The following RAD23A variants were observed in gnomAD, a reference collection of about 807,000 sequenced individuals.
RAD23A encodes the protein RAD23 nucleotide excision repair protein A, also known as lysine-specific demethylase RAD23A.
In RAD23A, 16 loss-of-function variants were observed where a neutral mutation model predicts 44.8. The observed-to-expected ratio is 0.36, with a 90% CI of 0.24 to 0.54. The LOEUF is 0.54. Among genes scored for constraint, RAD23A ranks in the 20% least tolerant of loss-of-function variants. The probability of loss-of-function intolerance (pLI) is 0.89; values close to 1 mark genes in which losing one functional copy is unlikely to be tolerated. For synonymous variants in RAD23A, 217 were observed against 202.9 expected (o/e 1.07, Z -0.59); for missense variants, 380 against 483.3 (o/e 0.79, Z 2.00).
chr19:12,949,386 A>G lies in RAD23A; in HGVS notation c.791A>G (p.Gln264Arg). ...LLPALLQQLG[Q>R]ENPQLLQQIS... ...CCCGCCCTGCTCCAGCAGCTGGGCC[A>G]GGAGAACCCTCAGCTTTTACAGGTG... The change falls in exon 7 of 9, where the codon CAG becomes CGG. Residue 264 changes from glutamine (Q) to arginine (R), a missense_variant. By Grantham distance (43) the Gln-to-Arg change is conservative (BLOSUM62 1). Coordinates refer to ENST00000586534, the MANE Select transcript of RAD23A (RefSeq NM_005053.4). The G allele has an allele frequency of 1.9e-6, 3 of 1,613,864 alleles. No individual in the cohort carries two copies. The highest frequency in any genetic ancestry group is 1.7e-4 in the Middle Eastern group (1 of 6,060).
rs1971716634 is a variant in RAD23A at position 12,948,259 on chromosome 19, C to T, written c.317C>T (p.Ala106Val). Reference sequence around the variant, plus strand: ...GAGTCCTCTACATCCTTCCCGCCTGCCCCCACCTCAGGCATGTCCCATCCC... The same window carrying T: ...GAGTCCTCTACATCCTTCCCGCCTGTCCCCACCTCAGGCATGTCCCATCCC... ...APESSTSFPP[A>V]PTSGMSHPPP... The change falls in exon 3 of 9, where the codon GCC becomes GTC. Residue 106 changes from alanine to valine, a missense_variant. This residue lies in a region of RAD23A where 279 missense variants were observed against 313.7 expected (regional missense o/e 0.89). Transcript: ENST00000586534. This position sits in a 1 kb window ranked among gnomAD's most constrained non-coding sequence, Gnocchi z 5.5. 6.2e-7 allele frequency: 1 copy of T among 1,613,376 alleles called. No homozygotes were observed. Among genetic ancestry groups the T allele is most frequent in the Non-Finnish European group, 8.5e-7 (1 of 1,179,546 alleles).
intron 7 of RAD23A, among the ~76,000 whole-genome samples, chr19:12,950,951 C>G (rs1369751188): frequency 3.9e-5 from 6 of 152,180 alleles, no homozygotes; most frequent in Non-Finnish European, 8.8e-5. Flanking sequence ...GTAGTCCCAG[C>G]TACTCAGGAG....
At chr19:12,949,576 C>T in intron 7 of RAD23A, 168 bp downstream of exon 7, 1 of 861,120 alleles carries the variant, frequency 1.2e-6, no homozygotes, top group African/African-American at 1.7e-5. Context: ...CCTGGTTTCT[C>T]AGTCTTCCCA....
At position 12,953,206 on chromosome 19, in the gene RAD23A, C is replaced by T; in HGVS notation, c.*157C>T. On this transcript the variant is annotated 3_prime_UTR_variant, in exon 9 of 9. Coordinates refer to ENST00000586534, the MANE Select transcript of RAD23A (RefSeq NM_005053.4). The stretch of plus-strand genomic sequence containing the variant: ...GCAAACAGTCCAGCTTCCTGTCCTC[C>T]TAAAGTGGCCCCTGTTCCCATCTCC... The T allele has an allele frequency of 1.8e-6, 1 of 541,098 alleles. No homozygotes were observed. Among genetic ancestry groups the T allele is most frequent in the Non-Finnish European group, 3.1e-6 (1 of 325,092 alleles). The allele number at this position is 541,098 out of a possible 1,614,324, so 33.5% of individuals were successfully genotyped here.
chr19:12,951,629 A>G (rs889463300), intron 7 of RAD23A, among the ~76,000 whole-genome samples: 4 of 152,124 alleles, frequency 2.6e-5, no homozygotes, highest in African/African-American at 9.6e-5. Flanking sequence ...TATTTTTAGT[A>G]GAGATGGGAT....
At chr19:12,946,063 CG>C in intron 1 of RAD23A, 43 bp downstream of exon 1, 1 of 87,278 alleles carries the variant, frequency 1.1e-5, no homozygotes. Context: ...CGACGGGTTT[CG>C]GGGGTGGGGT....
Position 12,952,750 on chromosome 19 carries a change from C to T in RAD23A, c.875C>T (p.Ala292Val), listed in dbSNP as rs781751879. 2.8e-5 allele frequency: 45 copies of T among 1,613,106 alleles called. No individual in the cohort carries two copies. The highest frequency in any genetic ancestry group is 8.3e-5 in the Admixed American group (5 of 59,926). The stretch of plus-strand genomic sequence containing the variant: ...CTGAACGAGCCCCCTGGGGAGCTGG[C>T]GGACATCTCAGATGTGGAGGGGGAG... ...QMLNEPPGEL[A>V]DISDVEGEVG... The change falls in exon 8 of 9, where the codon GCG becomes GTG. Residue 292 changes from alanine (A) to valine (V), a missense_variant. Physicochemically the swap from Ala to Val is moderately conservative, Grantham distance 64. Transcript: ENST00000586534.
intron 1 of RAD23A, among the ~76,000 whole-genome samples, chr19:12,946,836 T>G (rs539860688): frequency 3.3e-5 from 5 of 152,328 alleles, no homozygotes; most frequent in African/African-American, 1.2e-4. Flanking sequence ...AAACACACAT[T>G]TTTTGATCCG....
In RAD23A at chr19:12,949,100, A is replaced by G; in HGVS notation, c.620A>G (p.Glu207Gly). The G allele has an allele frequency of 6.2e-7, 1 of 1,613,494 alleles. No homozygotes were observed. ...YLLTGIPGSP[E>G]PEHGSVQESQ... ...TGACAGGGAATTCCTGGGAGCCCCG[A>G]GCCGGAACACGGTTCTGTCCAGGAG... Residue 207 changes from glutamate to glycine, a missense_variant, in exon 6 of 9, where the codon GAG becomes GGG. Transcript: ENST00000586534.
rs1971857708 is a variant in RAD23A, at chr19:12,952,979, A to C, written c.1022A>C (p.Tyr341Ser). The stretch of plus-strand genomic sequence containing the variant: ...CCAGAGAGCCTGGTCATCCAGGCCT[A>C]TTTCGCGTGTGAAAAAAATGAGAAC... ...GFPESLVIQA[Y>S]FACEKNENLA... Residue 341 changes from tyrosine (Y) to serine (S), a missense_variant, in exon 9 of 9, where the codon TAT becomes TCT. Tyr to Ser is a moderately radical substitution (Grantham distance 144). This residue lies in a region of RAD23A where 31 missense variants were observed against 63.6 expected (regional missense o/e 0.49). Coordinates refer to ENST00000586534, the MANE Select transcript of RAD23A (RefSeq NM_005053.4). 1 of 1,613,922 alleles carries C rather than the reference A, an allele frequency of 6.2e-7. No homozygotes were observed. The highest frequency in any genetic ancestry group is 1.3e-5 in the African/African-American group (1 of 74,864).
chr19:12,953,290 G>C lies in RAD23A; in HGVS notation c.*241G>C. On this transcript the variant is annotated 3_prime_UTR_variant, in exon 9 of 9. Coordinates refer to ENST00000586534, the MANE Select transcript of RAD23A (RefSeq NM_005053.4). ...CAGCCCAGCCTGCTCAGAGAAGCTG[G>C]CAGGACTGGGAGGCGACAGATGGGC... is the stretch of plus-strand genomic sequence containing the variant. 1 of 345,142 alleles carries C rather than the reference G, an allele frequency of 2.9e-6. No individual in the cohort carries two copies. The highest frequency in any genetic ancestry group is 7.9e-5 in the South Asian group (1 of 12,636). The allele number at this position is 345,142 out of a possible 1,614,324, so 21.4% of individuals were successfully genotyped here.
At chr19:12,952,588 A>C (rs1250443735) in intron 7 of RAD23A, 101 bp from the exon 8 acceptor site, 7 of 1,347,714 alleles carry the variant, frequency 5.2e-6, no homozygotes, top group Admixed American at 4.5e-5. Context: ...GCTCCTCTGG[A>C]TATTTGCCTG....
intron 7 of RAD23A, 51 bp downstream of exon 7, chr19:12,949,459 T>C: frequency 2.5e-6 from 4 of 1,594,756 alleles, no homozygotes; most frequent in Non-Finnish European, 3.4e-6. Context: ...TTCCCTTCCC[T>C]GTGGGCACCA....
chr19:12,945,919 C>G lies in RAD23A; in HGVS notation c.-30C>G. 1.9e-6 allele frequency: 3 copies of G among 1,604,718 alleles called. No individual in the cohort carries two copies. Among genetic ancestry groups the G allele is most frequent in the Non-Finnish European group, 2.5e-6 (3 of 1,176,706 alleles). ...GTGAGTTGCATGTTGTGTGAGGATC[C>G]CGGGGCCGCCGCGTCGCTCGGGCCC... On this transcript the variant is annotated 5_prime_UTR_variant, in exon 1 of 9. Coordinates refer to ENST00000586534, the MANE Select transcript of RAD23A (RefSeq NM_005053.4).
At chr19:12,952,032 C>T (rs1485542083) in intron 7 of RAD23A, among the ~76,000 whole-genome samples, 1 of 151,878 alleles carries the variant, frequency 6.6e-6, no homozygotes, top group Non-Finnish European at 1.5e-5. Context: ...AAGTGATTCT[C>T]CTACCTTAGC....
Position 12,945,959 on chromosome 19 carries a change from C to T in RAD23A, c.11C>T (p.Thr4Ile). The change falls in exon 1 of 9, where the codon ACC becomes ATC. Residue 4 changes from threonine to isoleucine, a missense_variant. This residue lies in a region of RAD23A where 70 missense variants were observed against 106.0 expected (regional missense o/e 0.66). Coordinates refer to ENST00000586534, the MANE Select transcript of RAD23A (RefSeq NM_005053.4). MAV[T>I]ITLKTLQQQT... ...CGCTCGGGCCCCGCCATGGCCGTCACCATCACGCTCAAAACGCTGCAGCAG... is the reference window on the plus strand; with the variant it reads ...CGCTCGGGCCCCGCCATGGCCGTCATCATCACGCTCAAAACGCTGCAGCAG... 6.2e-7 allele frequency: 1 copy of T among 1,608,440 alleles called. No individual in the cohort carries two copies. Among genetic ancestry groups the T allele is most frequent in the Non-Finnish European group, 8.5e-7 (1 of 1,178,326 alleles).
chr19:12,948,087 T>G lies in RAD23A; in HGVS notation c.234+78T>G. ...AAAGAGCCTGTGTGCCCAGGAGAGA[T>G]TAGCTGTGAACAGGGCGGGGCCACA... On this transcript the variant is annotated intron_variant, in intron 2 of 8. Coordinates refer to ENST00000586534, the MANE Select transcript of RAD23A (RefSeq NM_005053.4). The surrounding 1 kb of genome is among the most constrained non-coding windows in gnomAD (Gnocchi z 5.5). The G allele has an allele frequency of 6.2e-7, 1 of 1,607,702 alleles. No individual in the cohort carries two copies. The highest frequency in any genetic ancestry group is 8.5e-7 in the Non-Finnish European group (1 of 1,176,348).
At position 12,953,445 on chromosome 19, in the gene RAD23A, C is replaced by T. The variant is rs1331139753; in HGVS notation, c.*396C>T. ...GGATGAGGGGAAGCTGGAGCCCCAACTTTGATCCTCCATTGGAGTGGCCCA... is the reference window on the plus strand; with the variant it reads ...GGATGAGGGGAAGCTGGAGCCCCAATTTTGATCCTCCATTGGAGTGGCCCA... On this transcript the variant is annotated 3_prime_UTR_variant, in exon 9 of 9. Transcript: ENST00000586534. 1 of 156,088 alleles carries T rather than the reference C, an allele frequency of 6.4e-6. No individual in the cohort carries two copies. Among genetic ancestry groups the T allele is most frequent in the African/African-American group, 2.4e-5 (1 of 41,570 alleles). 9.7% of individuals were successfully genotyped at this position (156,088 alleles called of 1,614,324 possible). A position where few individuals can be genotyped will look rare whatever the true frequency, so the allele number is the denominator to read the frequency against.
At chr19:12,946,079 G>GGGGGGGGGGGT in intron 1 of RAD23A, 59 bp downstream of exon 1, 1 of 1,135,760 alleles carries the variant, frequency 8.8e-7, no homozygotes. Flanking sequence ...TGGGGTGGGG[G>GGGGGGGGGGGT]CGGGGAGGCT....
Sources: gnomAD v4.1 joint callset for allele counts (sites outside exome capture counted in the v4.1 genomes callset) on GRCh38, gnomAD v4.1.1 for gene constraint, gnomAD v4.1.1 regional missense constraint, Gnocchi (gnomAD v3.1) non-coding constraint, MANE v1.5 for transcripts, NCBI Gene and HGNC (gene_info 2026-07-23, HGNC 2026-07-21) for gene names.